CACNB4: variants seen among roughly 807,000 people sequenced by gnomAD.
CACNB4 encodes the protein calcium voltage-gated channel auxiliary subunit beta 4.
Under a neutral mutation model 71.2 loss-of-function variants are expected in CACNB4, and 32 were observed. That is an observed-to-expected ratio of 0.45 (90% CI 0.34 to 0.60). The LOEUF (loss-of-function observed/expected upper bound fraction) is 0.60, where lower values mean the gene tolerates loss of function less well. Ranked by LOEUF, CACNB4 falls within the 20% of genes least tolerant of loss-of-function variation. The pLI, the probability that CACNB4 is intolerant of heterozygous loss-of-function variation, is 0.01. For missense variants in CACNB4, 464 were observed against 647.9 expected (o/e 0.72, Z 3.08); for synonymous variants, 231 against 236.9 (o/e 0.97, Z 0.23).
intron 12 of CACNB4, chr2:151,851,677 A>C (rs1317465449): frequency 6.6e-6 from 1 of 152,226 alleles, no homozygotes; most frequent in Non-Finnish European, 1.5e-5. Flanking sequence ...TTCTCTAGTA[A>C]TTATTAGAAT....
In CACNB4 at chr2:151,860,514, C is replaced by A. The variant is rs962800256; in HGVS notation, c.868+197G>T. ...ACCAGACTACTAATTAGCTAATTGACTAAAGCTGAGAGACAGCAAGCTCTC... is the reference window on the plus strand; with the variant it reads ...ACCAGACTACTAATTAGCTAATTGAATAAAGCTGAGAGACAGCAAGCTCTC... On this transcript the variant is annotated intron_variant, in intron 10 of 13. Transcript: ENST00000539935. The A allele has an allele frequency of 6.7e-6, 4 of 594,116 alleles. No individual in the cohort carries two copies. The South Asian group carries it at 8.6e-5, about 13-fold the overall frequency. 36.8% of individuals were successfully genotyped at this position (594,116 alleles called of 1,614,324 possible).
rs1168525887 is a variant in CACNB4 at position 151,845,118 on chromosome 2, G to A, written c.1117-3030C>T. Among the ~76,000 whole-genome samples, 5 of 152,116 alleles carry A rather than the reference G, an allele frequency of 3.3e-5. No individual in the cohort carries two copies. The South Asian group carries it at 6.2e-4, about 19-fold the overall frequency. ...GCCGTTCTACTTGTTACATTGTCAC[G>A]GTTGTAGACATAATTAGTGGCACAT... On this transcript the variant is annotated intron_variant, in intron 12 of 13. Coordinates refer to ENST00000539935, the MANE Select transcript of CACNB4 (RefSeq NM_000726.5).
At chr2:151,860,857 A>G (rs950956799) in intron 9 of CACNB4, 37 bp from the exon 10 acceptor site, 1 of 1,351,000 alleles carries the variant, frequency 7.4e-7, no homozygotes. Context: ...AAGCCAGTAA[A>G]AATGTTATGG....
At chr2:152,013,693 C>T (rs796349183) in intron 2 of CACNB4, among the ~76,000 whole-genome samples, 11 of 152,288 alleles carry the variant, frequency 7.2e-5, no homozygotes, top group African/African-American at 2.6e-4. Context: ...CTTCATGCAA[C>T]CATTACCAAG....
intron 2 of CACNB4, among the ~76,000 whole-genome samples, chr2:151,923,556 G>T (rs2099859484): frequency 6.6e-6 from 1 of 152,190 alleles, no homozygotes; most frequent in African/African-American, 2.4e-5. Context: ...CTGGGTGGAG[G>T]CCCGGATGGC....
intron 2 of CACNB4, among the ~76,000 whole-genome samples, chr2:151,954,850 CTT>C: frequency 1.1e-5 from 1 of 94,924 alleles, no homozygotes; most frequent in African/African-American, 4.2e-5. Flanking sequence ...CAAGTCAGCA[CTT>C]TTTTTTTTTT....
chr2:151,845,079 T>A (rs1334143785), intron 12 of CACNB4, among the ~76,000 whole-genome samples: 1 of 152,212 alleles, frequency 6.6e-6, no homozygotes, highest in East Asian at 1.9e-4. Context: ...TTGAATGAGG[T>A]TTATATCTAC....
At chr2:151,879,201 G>A (rs1394269276) in intron 4 of CACNB4, among the ~76,000 whole-genome samples, 1 of 152,168 alleles carries the variant, frequency 6.6e-6, no homozygotes, top group African/African-American at 2.4e-5. Flanking sequence ...ATAGCCCACT[G>A]GAACACTCAT....
At chr2:151,889,419 T>C (rs2099850184) in intron 2 of CACNB4, among the ~76,000 whole-genome samples, 1 of 148,638 alleles carries the variant, frequency 6.7e-6, no homozygotes, top group African/African-American at 2.5e-5. Context: ...TGAGCCGAGA[T>C]TGTGCCACTG....
chr2:151,911,319 C>A (rs557526031), intron 2 of CACNB4, among the ~76,000 whole-genome samples: 275 of 152,252 alleles, frequency 1.8e-3, no homozygotes, highest in Non-Finnish European at 3.4e-3. Context: ...ATTGCCCTGG[C>A]CAGAACTTCA....
chr2:152,093,909 C>G (rs1243141225), intron 2 of CACNB4, among the ~76,000 whole-genome samples: 1 of 152,214 alleles, frequency 6.6e-6, no homozygotes, highest in Admixed American at 6.5e-5. Flanking sequence ...CTAAACAAAG[C>G]ATTTAATGTT....
At chr2:152,035,200 C>T (rs910307897) in intron 2 of CACNB4, among the ~76,000 whole-genome samples, 7 of 152,188 alleles carry the variant, frequency 4.6e-5, no homozygotes, top group East Asian at 1.9e-4. Context: ...CTTTCTTAAA[C>T]GGATGATTTT....
intron 10 of CACNB4, chr2:151,858,104 A>C (rs1411769107): frequency 6.6e-6 from 1 of 152,244 alleles, no homozygotes; most frequent in Non-Finnish European, 1.5e-5. Context: ...CAACCAAATC[A>C]AAAAATCTTG....
intron 2 of CACNB4, among the ~76,000 whole-genome samples, chr2:151,921,933 C>T (rs2099859117): frequency 1.3e-5 from 2 of 152,176 alleles, no homozygotes; most frequent in Admixed American, 1.3e-4. Flanking sequence ...GCCATGCTTC[C>T]TGTACAGCCT....
chr2:152,080,122 ACTGT>A lies in CACNB4; in HGVS notation c.147+18204_147+18207del, dbSNP rs1307258556. Among the ~76,000 whole-genome samples, 3 of 151,646 alleles carry A rather than the reference ACTGT, an allele frequency of 2.0e-5. No homozygotes were observed. In the East Asian group the frequency reaches 5.8e-4, roughly 29 times the overall value. ...GGTTTAATTATTCAGGGTTTAATTTACTGTCTTTTTTTTTTTTGAGGCGGAGTCT... is the reference window on the plus strand; with the variant it reads ...GGTTTAATTATTCAGGGTTTAATTTACTTTTTTTTTTTTGAGGCGGAGTCT... On this transcript the variant is annotated intron_variant, in intron 2 of 13. Transcript: ENST00000539935.
At chr2:151,925,583 A>G (rs1424117088) in intron 2 of CACNB4, among the ~76,000 whole-genome samples, 1 of 151,908 alleles carries the variant, frequency 6.6e-6, no homozygotes, top group Non-Finnish European at 1.5e-5. Context: ...AGAATTTTCA[A>G]TTTTGTTTGG....
chr2:152,043,372 G>C (rs1418796009), intron 2 of CACNB4, among the ~76,000 whole-genome samples: 1 of 152,160 alleles, frequency 6.6e-6, no homozygotes, highest in Non-Finnish European at 1.5e-5. Context: ...ATCTAGGCTG[G>C]AATGCAGTGG....
At chr2:152,006,977 G>A (rs1682767451) in intron 2 of CACNB4, among the ~76,000 whole-genome samples, 1 of 152,084 alleles carries the variant, frequency 6.6e-6, no homozygotes, top group Admixed American at 6.5e-5. Context: ...CCCTTTCTCA[G>A]TTGTGTCATC....
At position 151,929,234 on chromosome 2, in the gene CACNB4, C is replaced by CAAA. The variant is rs397728952; in HGVS notation, c.148-45867_148-45865dup. ...GATGAGGAAAAGTATCTGTAACTTCCAAAAAAAAAAAATCACTGATATGAG... is the reference window on the plus strand; with the variant it reads ...GATGAGGAAAAGTATCTGTAACTTCCAAAAAAAAAAAAAAATCACTGATATGAG... On this transcript the variant is annotated intron_variant, in intron 2 of 13. Coordinates refer to ENST00000539935, the MANE Select transcript of CACNB4 (RefSeq NM_000726.5). Among the ~76,000 whole-genome samples the CAAA allele has an allele frequency of 2.5e-3, 360 of 142,476 alleles. 3 individuals are homozygous for CAAA. Among genetic ancestry groups the CAAA allele is most frequent in the Admixed American group, 0.021 (295 of 14,238 alleles). 93.5% of individuals were successfully genotyped at this position (142,476 alleles called of 152,430 possible).
Sources: allele counts gnomAD v4.1 joint callset (sites outside exome capture counted in the v4.1 genomes callset), GRCh38; gene constraint gnomAD v4.1.1; transcripts MANE v1.5; gene names NCBI Gene and HGNC (gene_info 2026-07-23, HGNC 2026-07-21).